Variants in ST18 observed in about 807,000 individuals in gnomAD.
ST18 encodes the protein suppression of tumorigenicity 18 protein.
A neutral mutation model predicts 110.0 loss-of-function variants in ST18; 50 were observed. That is an observed-to-expected ratio of 0.45 (90% CI 0.36 to 0.58). ST18 has a LOEUF of 0.58. Ranked by LOEUF, ST18 falls within the 20% of genes least tolerant of loss-of-function variation. ST18 has a pLI of 0.00. For synonymous variants in ST18, 461 were observed against 452.4 expected, an observed-to-expected ratio of 1.02 and a Z score of -0.24; for missense variants, 1,306 against 1,280.1, an observed-to-expected ratio of 1.02 and a Z score of -0.31.
intron 15 of ST18, among the ~76,000 whole-genome samples, chr8:52,156,761 G>C (rs949093224): frequency 1.3e-5 from 2 of 151,836 alleles, no homozygotes; most frequent in Non-Finnish European, 2.9e-5. Flanking sequence ...GCATGTGTGT[G>C]TGTGTGCATG....
chr8:52,232,812 T>C (rs1222102452), intron 2 of ST18, among the ~76,000 whole-genome samples: 2 of 151,856 alleles, frequency 1.3e-5, no homozygotes, highest in African/African-American at 4.8e-5. Flanking sequence ...AGTAAAGAGA[T>C]GGAGGGTGCG....
chr8:52,295,602 T>G (rs1429016687), intron 2 of ST18, among the ~76,000 whole-genome samples: 1 of 152,074 alleles, frequency 6.6e-6, no homozygotes, highest in Non-Finnish European at 1.5e-5. Context: ...ACTTCCCCCT[T>G]TTAAAAATGG....
Position 52,241,099 on chromosome 8 carries a change from G to C in ST18, c.-464-11022C>G, listed in dbSNP as rs187578479. On this transcript the variant is annotated intron_variant, in intron 2 of 25. Coordinates refer to ENST00000689386, the MANE Select transcript of ST18 (RefSeq NM_001352837.2). Reference sequence around the variant, plus strand: ...GCCTGTCATTTATGACTCTTTACCAGTTTTCAAATGTATGTCCTGGGCTTG... The same window carrying C: ...GCCTGTCATTTATGACTCTTTACCACTTTTCAAATGTATGTCCTGGGCTTG... Among the ~76,000 whole-genome samples, 3 of 152,312 alleles carry C rather than the reference G, an allele frequency of 2.0e-5. No individual in the cohort carries two copies. In the East Asian group the frequency reaches 5.8e-4, roughly 29 times the overall value.
At chr8:52,376,059 C>T (rs1832241961) in intron 2 of ST18, among the ~76,000 whole-genome samples, 1 of 152,140 alleles carries the variant, frequency 6.6e-6, no homozygotes, top group Non-Finnish European at 1.5e-5. Flanking sequence ...CAGGTTTTGC[C>T]ACCACCATCT....
intron 2 of ST18, among the ~76,000 whole-genome samples, chr8:52,259,400 T>A (rs1449914583): frequency 6.6e-6 from 1 of 152,218 alleles, no homozygotes; most frequent in Non-Finnish European, 1.5e-5. Context: ...GCCCACTTCA[T>A]ACTTGCAATA....
chr8:52,169,382 T>C (rs900790378), intron 10 of ST18, among the ~76,000 whole-genome samples: 10 of 152,190 alleles, frequency 6.6e-5, no homozygotes, highest in Non-Finnish European at 1.3e-4. Context: ...AGTGTTCCCC[T>C]TTTCATAGGC....
chr8:52,272,602 G>A (rs999313852), intron 2 of ST18, among the ~76,000 whole-genome samples: 1 of 149,414 alleles, frequency 6.7e-6, no homozygotes, highest in South Asian at 2.1e-4. Context: ...GGGAACCCTT[G>A]TATACTGCGG....
chr8:52,289,689 T>G (rs1285461677), intron 2 of ST18, among the ~76,000 whole-genome samples: 3 of 152,132 alleles, frequency 2.0e-5, no homozygotes, highest in Non-Finnish European at 4.4e-5. Flanking sequence ...CTGCTCACGA[T>G]GTTGAAGTAA....
chr8:52,400,059 A>G lies in ST18; in HGVS notation c.-465+9269T>C, dbSNP rs187907394. ...GCTATCTAGTTCTTCATTCATGTCC[A>G]TCAATATTTGCTTTATATACTTAGG... is the stretch of plus-strand genomic sequence containing the variant. On this transcript the variant is annotated intron_variant, in intron 2 of 25. Transcript: ENST00000689386. 8.5e-5 allele frequency among the ~76,000 whole-genome samples: 13 copies of G among 152,110 alleles called. No homozygotes were observed. The East Asian group carries it at 2.1e-3, about 25-fold the overall frequency.
intron 2 of ST18, among the ~76,000 whole-genome samples, chr8:52,360,033 A>G (rs1825000042): frequency 6.6e-6 from 1 of 152,166 alleles, no homozygotes; most frequent in Non-Finnish European, 1.5e-5. Flanking sequence ...GGAAGCACTG[A>G]CTTATATAAA....
At chr8:52,213,125 G>T (rs1195695947) in intron 7 of ST18, among the ~76,000 whole-genome samples, 1 of 152,046 alleles carries the variant, frequency 6.6e-6, no homozygotes, top group African/African-American at 2.4e-5. Flanking sequence ...TATAAAGTAA[G>T]ACTGGAAAAT....
At chr8:52,383,051 C>T (rs1317793948) in intron 2 of ST18, among the ~76,000 whole-genome samples, 1 of 152,138 alleles carries the variant, frequency 6.6e-6, no homozygotes, top group East Asian at 1.9e-4. Flanking sequence ...TTCTTCTTCT[C>T]TTCTTCTTCT....
At chr8:52,199,006 C>A (rs570283764) in intron 8 of ST18, 1 of 152,190 alleles carries the variant, frequency 6.6e-6, no homozygotes, top group Admixed American at 6.5e-5. Flanking sequence ...CTGCCATGGC[C>A]TCATTGGTAC....
chr8:52,218,060 TAAAACA>T (rs1319969770), intron 5 of ST18, among the ~76,000 whole-genome samples, 159 bp from the exon 6 acceptor site: 1 of 152,028 alleles, frequency 6.6e-6, no homozygotes, highest in African/African-American at 2.4e-5. Flanking sequence ...TAATGGCAAA[TAAAACA>T]AAAACAAAAA....
At chr8:52,156,548 A>G (rs1307402953) in intron 15 of ST18, among the ~76,000 whole-genome samples, 1 of 152,224 alleles carries the variant, frequency 6.6e-6, no homozygotes, top group Non-Finnish European at 1.5e-5. Flanking sequence ...TGATAACAGA[A>G]AAGGCCTACA....
At chr8:52,187,769 A>G (rs1165230699) in intron 8 of ST18, among the ~76,000 whole-genome samples, 1 of 152,208 alleles carries the variant, frequency 6.6e-6, no homozygotes, top group Admixed American at 6.5e-5. Flanking sequence ...TCTCAATGGT[A>G]TCCGTATGTA....
At chr8:52,369,560 A>G (rs1338708426) in intron 2 of ST18, among the ~76,000 whole-genome samples, 1 of 152,214 alleles carries the variant, frequency 6.6e-6, no homozygotes. Context: ...ATACACTTCT[A>G]TCTTGTTTAA....
chr8:52,304,036 T>G (rs775179807), intron 2 of ST18, among the ~76,000 whole-genome samples: 2 of 152,208 alleles, frequency 1.3e-5, no homozygotes, highest in South Asian at 4.1e-4. Flanking sequence ...TACTCTAAAA[T>G]AGTTTTGGAA....
intron 23 of ST18, among the ~76,000 whole-genome samples, chr8:52,122,729 C>T (rs1395919253): frequency 6.6e-6 from 1 of 152,024 alleles, no homozygotes; most frequent in South Asian, 2.1e-4. Flanking sequence ...CCTCGTGATC[C>T]ACCCTTCTCG....
Sources: gnomAD v4.1 joint callset for allele counts (sites outside exome capture counted in the v4.1 genomes callset) on GRCh38, gnomAD v4.1.1 for gene constraint, MANE v1.5 for transcripts, NCBI Gene and HGNC (gene_info 2026-07-23, HGNC 2026-07-21) for gene names.